The following DOCK4 variants were observed in gnomAD, a reference collection of about 807,000 sequenced individuals.
DOCK4 encodes the protein dedicator of cytokinesis protein 4.
Under a neutral mutation model 268.1 loss-of-function variants are expected in DOCK4, and 97 were observed. The observed-to-expected ratio is 0.36, with a 90% CI of 0.31 to 0.43. DOCK4 has a LOEUF of 0.43. Ranked by LOEUF, DOCK4 falls within the 20% of genes least tolerant of loss-of-function variation. DOCK4 has a pLI of 1.00. For synonymous variants in DOCK4, 954 were observed against 887.2 expected (o/e 1.08, Z -1.34); for missense variants, 2,145 against 2,455.7 (o/e 0.87, Z 2.67).
chr7:111,963,230 C>T (rs150214736), intron 8 of DOCK4, among the ~76,000 whole-genome samples: 11 of 151,852 alleles, frequency 7.2e-5, no homozygotes, highest in Non-Finnish European at 1.2e-4. Flanking sequence ...GGAACAGCTC[C>T]GGACTACAGC....
At chr7:112,146,600 C>T (rs1050477512) in intron 1 of DOCK4, among the ~76,000 whole-genome samples, 21 of 152,058 alleles carry the variant, frequency 1.4e-4, no homozygotes, top group Non-Finnish European at 4.4e-5. Context: ...GGTGTGGTGG[C>T]GTGCACCTAT....
At chr7:111,970,225 G>C (rs1318913005) in intron 8 of DOCK4, among the ~76,000 whole-genome samples, 2 of 151,964 alleles carry the variant, frequency 1.3e-5, no homozygotes. Flanking sequence ...TATGAGTGTA[G>C]AGCAGTGATT....
chr7:112,205,896 G>C (rs952720173), intron 1 of DOCK4, among the ~76,000 whole-genome samples: 1 of 152,122 alleles, frequency 6.6e-6, no homozygotes, highest in African/African-American at 2.4e-5. Flanking sequence ...AACCAGTGCG[G>C]GGCGCGCCGA....
At chr7:111,731,841 C>G (rs1457331434) in intron 52 of DOCK4, among the ~76,000 whole-genome samples, 1 of 146,804 alleles carries the variant, frequency 6.8e-6, no homozygotes, top group Non-Finnish European at 1.5e-5. Flanking sequence ...GATCTTGATA[C>G]TGATGTTTCT....
chr7:111,997,657 G>A (rs1333142794), intron 4 of DOCK4, among the ~76,000 whole-genome samples: 1 of 152,178 alleles, frequency 6.6e-6, no homozygotes, highest in East Asian at 1.9e-4. Flanking sequence ...ATCACTATTT[G>A]AGAAAAAATA....
At chr7:112,164,685 C>A (rs559761082) in intron 1 of DOCK4, among the ~76,000 whole-genome samples, 1 of 152,278 alleles carries the variant, frequency 6.6e-6, no homozygotes, top group South Asian at 2.1e-4. Flanking sequence ...TTTTAAAAAC[C>A]TTTCTGGGGC....
intron 1 of DOCK4, among the ~76,000 whole-genome samples, chr7:112,062,710 C>T (rs375267471): frequency 4.3e-4 from 65 of 152,266 alleles, no homozygotes; most frequent in African/African-American, 1.4e-3. Flanking sequence ...GACAGAGTCT[C>T]GCTCTGTCAC....
In DOCK4 at chr7:111,769,637, T is replaced by C. The variant is rs768034111; in HGVS notation, c.3720A>G (p.Glu1240=). ...YTLLLYDELL[E]WSDRPLREFL... ...ACTCCCTGAGGGGCCGATCAGACCA[T>C]TCCAGTAGCTCGTCATATAAGAGGA... Residue 1240 remains glutamate, a synonymous_variant, in exon 37 of 53, where the codon GAA becomes GAG. Coordinates refer to ENST00000428084, the MANE Select transcript of DOCK4 (RefSeq NM_001363540.2). The C allele has an allele frequency of 6.2e-7, 1 of 1,613,838 alleles. No homozygotes were observed. Among genetic ancestry groups the C allele is most frequent in the South Asian group, 1.1e-5 (1 of 91,064 alleles).
At chr7:111,979,623 C>T (rs552899060) in intron 7 of DOCK4, among the ~76,000 whole-genome samples, 1 of 152,028 alleles carries the variant, frequency 6.6e-6, no homozygotes, top group Non-Finnish European at 1.5e-5. Flanking sequence ...AAAACATATG[C>T]TTACTTAAAA....
chr7:111,755,293 A>ATTGAG (rs780043079), intron 42 of DOCK4, among the ~76,000 whole-genome samples: 4 of 152,258 alleles, frequency 2.6e-5, no homozygotes, highest in Non-Finnish European at 5.9e-5. Flanking sequence ...CATGTAGCAA[A>ATTGAG]TTGAGTTGTT....
chr7:111,981,645 T>C (rs1481466518), intron 7 of DOCK4, among the ~76,000 whole-genome samples: 3 of 152,234 alleles, frequency 2.0e-5, no homozygotes, highest in African/African-American at 7.2e-5. Context: ...GTTTTGGAAA[T>C]AGTCAAGTGC....
At chr7:112,185,521 G>A (rs1237410927) in intron 1 of DOCK4, among the ~76,000 whole-genome samples, 1 of 151,886 alleles carries the variant, frequency 6.6e-6, no homozygotes, top group Non-Finnish European at 1.5e-5. Context: ...AACAGGAAAG[G>A]GATGACTTAA....
chr7:111,769,475 G>A, intron 37 of DOCK4, 54 bp downstream of exon 37: 1 of 1,600,434 alleles, frequency 6.2e-7, no homozygotes, highest in Non-Finnish European at 8.5e-7. Flanking sequence ...AAAGGGAAAG[G>A]GACATCAACA....
intron 39 of DOCK4, among the ~76,000 whole-genome samples, chr7:111,761,351 C>T (rs377569794): frequency 1.4e-4 from 22 of 152,242 alleles, no homozygotes; most frequent in South Asian, 4.1e-4. Context: ...TGAGCCACCA[C>T]GCCTGGCCAT....
At chr7:112,008,916 C>T (rs1288446577) in intron 1 of DOCK4, among the ~76,000 whole-genome samples, 1 of 152,180 alleles carries the variant, frequency 6.6e-6, no homozygotes, top group Non-Finnish European at 1.5e-5. Flanking sequence ...TCGCTTGAAC[C>T]CGGGAGGCGG....
At chr7:111,834,140 G>A (rs1043345256) in intron 26 of DOCK4, among the ~76,000 whole-genome samples, 1 of 152,188 alleles carries the variant, frequency 6.6e-6, no homozygotes, top group Non-Finnish European at 1.5e-5. Context: ...ATAGCTGATA[G>A]AGAATATCAA....
chr7:111,928,777 T>C (rs1197948951), intron 12 of DOCK4, among the ~76,000 whole-genome samples: 1 of 151,934 alleles, frequency 6.6e-6, no homozygotes, highest in African/African-American at 2.4e-5. Context: ...TTAGTAGAGA[T>C]GGGTTTTCAC....
At chr7:111,813,806 T>C (rs1801333544) in intron 27 of DOCK4, among the ~76,000 whole-genome samples, 1 of 152,198 alleles carries the variant, frequency 6.6e-6, no homozygotes, top group South Asian at 2.1e-4. Context: ...TTCCAAAGTA[T>C]TTTACTCAAG....
At chr7:111,862,248 A>G (rs28714364) in intron 23 of DOCK4, among the ~76,000 whole-genome samples, 78,916 of 151,406 alleles carry the variant, frequency 0.52, 23,682 homozygotes, top group African/African-American at 0.85. Context: ...GCAGTGAGCC[A>G]AGATCATGCC....
Sources: allele counts gnomAD v4.1 joint callset (sites outside exome capture counted in the v4.1 genomes callset), GRCh38; gene constraint gnomAD v4.1.1; transcripts MANE v1.5; gene names NCBI Gene and HGNC (gene_info 2026-07-23, HGNC 2026-07-21).